Variants in BAZ2B observed in about 807,000 individuals in gnomAD.
BAZ2B encodes bromodomain adjacent to zinc finger domain protein 2B.
BAZ2B carries 91 observed loss-of-function variants against 246.0 expected under a neutral mutation model. That is an observed-to-expected ratio of 0.37 (90% confidence interval 0.31 to 0.44). The LOEUF is 0.44. Ranked by LOEUF, BAZ2B falls within the 20% of genes least tolerant of loss-of-function variation. BAZ2B has a pLI of 1.00. For missense variants in BAZ2B, 2,332 were observed against 2,533.7 expected (o/e 0.92, Z 1.71); for synonymous variants, 855 against 860.0 (o/e 0.99, Z 0.10).
chr2:159,485,427 T>C (rs2079704877), intron 2 of BAZ2B, among the ~76,000 whole-genome samples: 1 of 152,166 alleles, frequency 6.6e-6, no homozygotes, highest in South Asian at 2.1e-4. Context: ...TTTCAAAGAA[T>C]TAAGTATGGT....
intron 1 of BAZ2B, among the ~76,000 whole-genome samples, chr2:159,577,099 A>G (rs1685528602): frequency 6.6e-6 from 1 of 151,450 alleles, no homozygotes; most frequent in Admixed American, 6.6e-5. Context: ...GCAGTGGTGT[A>G]TGCCTCTAGT....
chr2:159,699,261 G>C, the BAZ2B span, among the ~76,000 whole-genome samples: 11 of 152,092 alleles, frequency 7.2e-5, no homozygotes, highest in Non-Finnish European at 4.4e-5. Context: ...AAAGCTCCAG[G>C]GTCAGGCACA....
intron 2 of BAZ2B, among the ~76,000 whole-genome samples, chr2:159,537,372 CAT>C (rs2086135243): frequency 2.0e-5 from 3 of 152,230 alleles, no homozygotes; most frequent in Non-Finnish European, 4.4e-5. Flanking sequence ...TTGAACTGTA[CAT>C]CCCCAAAGGT....
intron 1 of BAZ2B, among the ~76,000 whole-genome samples, chr2:159,574,815 C>A (rs1385067311): frequency 2.0e-5 from 3 of 151,742 alleles, no homozygotes; most frequent in Non-Finnish European, 4.4e-5. Context: ...ATTAAAAATA[C>A]AAAAATTAGC....
chr2:159,475,781 T>C (rs907186279), intron 3 of BAZ2B, among the ~76,000 whole-genome samples: 7 of 152,212 alleles, frequency 4.6e-5, no homozygotes, highest in African/African-American at 1.7e-4. Context: ...TTCCTTTCTG[T>C]TTGTTAGTTT....
At chr2:159,334,550 T>A (rs371458918) in intron 33 of BAZ2B, among the ~76,000 whole-genome samples, 95 of 152,338 alleles carry the variant, frequency 6.2e-4, no homozygotes, top group African/African-American at 1.8e-3. Flanking sequence ...CTAAAGGTTA[T>A]AAGGTGCTTC....
chr2:159,350,487 T>C (rs1191499345), intron 27 of BAZ2B, 130 bp from the exon 28 acceptor site: 14 of 780,506 alleles, frequency 1.8e-5, no homozygotes, highest in Non-Finnish European at 2.6e-5. Context: ...TAATACTCCC[T>C]ATATTTTCCT....
chr2:159,327,485 T>C (rs553396000), intron 34 of BAZ2B, among the ~76,000 whole-genome samples: 59 of 152,318 alleles, frequency 3.9e-4, no homozygotes, highest in African/African-American at 1.4e-3. Flanking sequence ...ATAATTAATA[T>C]GTTTTATTCA....
At chr2:159,524,369 C>T (rs1020178519) in intron 2 of BAZ2B, among the ~76,000 whole-genome samples, 4 of 152,100 alleles carry the variant, frequency 2.6e-5, no homozygotes, top group Non-Finnish European at 4.4e-5. Context: ...GTGGGAGGAT[C>T]GCTTGAGCCG....
intron 8 of BAZ2B, 142 bp downstream of exon 8, chr2:159,438,161 G>A (rs2072756041): frequency 2.6e-6 from 2 of 772,628 alleles, no homozygotes; most frequent in East Asian, 2.7e-5. Context: ...TTAGTTTTCT[G>A]CTGTACATAT....
chr2:159,383,164 A>G (rs947600070), intron 24 of BAZ2B, among the ~76,000 whole-genome samples: 1 of 152,166 alleles, frequency 6.6e-6, no homozygotes, highest in African/African-American at 2.4e-5. Flanking sequence ...TTAACATAGG[A>G]GTAATTTCTG....
At chr2:159,576,267 T>C (rs1315029698) in intron 1 of BAZ2B, among the ~76,000 whole-genome samples, 1 of 152,024 alleles carries the variant, frequency 6.6e-6, no homozygotes, top group Non-Finnish European at 1.5e-5. Flanking sequence ...CTTGTGAGGA[T>C]TACACAAATA....
chr2:159,455,762 G>GTTTTTTTTTTTT (rs759816186), intron 3 of BAZ2B, among the ~76,000 whole-genome samples: 1 of 97,124 alleles, frequency 1.0e-5, no homozygotes, highest in African/African-American at 3.5e-5. Context: ...GAAATATTGT[G>GTTTTTTTTTTTT]GTTTTTTTTT....
chr2:159,520,665 G>A (rs542105897), intron 2 of BAZ2B, among the ~76,000 whole-genome samples: 2 of 152,176 alleles, frequency 1.3e-5, no homozygotes, highest in African/African-American at 4.8e-5. Context: ...TGAACCAGAA[G>A]GCAAATTTTT....
At chr2:159,608,863 C>A (rs938025674) in intron 1 of BAZ2B, among the ~76,000 whole-genome samples, 2 of 151,814 alleles carry the variant, frequency 1.3e-5, no homozygotes, top group Admixed American at 1.3e-4. Flanking sequence ...ATTTCTGAAG[C>A]CAAGAAAGAG....
intron 31 of BAZ2B, among the ~76,000 whole-genome samples, chr2:159,343,798 G>T (rs11673858): frequency 6.6e-6 from 1 of 151,828 alleles, no homozygotes; most frequent in African/African-American, 2.4e-5. Context: ...AGGCTGAGGC[G>T]GGCAGATCAC....
At chr2:159,399,917 A>G (rs995656401) in intron 17 of BAZ2B, among the ~76,000 whole-genome samples, 1 of 152,218 alleles carries the variant, frequency 6.6e-6, no homozygotes, top group Non-Finnish European at 1.5e-5. Flanking sequence ...TTGATGACTC[A>G]GGGCAACTAT....
chr2:159,429,836 T>C lies in BAZ2B; in HGVS notation c.2195-576A>G, dbSNP rs550989753. 3.3e-3 allele frequency among the ~76,000 whole-genome samples: 499 copies of C among 152,228 alleles called. 3 individuals carry two copies. The highest frequency in any genetic ancestry group is 0.011 in the African/African-American group (476 of 41,544). On this transcript the variant is annotated intron_variant, in intron 10 of 36. Coordinates refer to ENST00000392783, the MANE Select transcript of BAZ2B (RefSeq NM_013450.4). ...CATCTAAAATTAGTAGGCTATCATATTGGTATGTGGTAAATGAAAGTAAAG... is the reference window on the plus strand; with the variant it reads ...CATCTAAAATTAGTAGGCTATCATACTGGTATGTGGTAAATGAAAGTAAAG...
intron 16 of BAZ2B, among the ~76,000 whole-genome samples, chr2:159,402,649 T>C (rs2065267786): frequency 6.6e-6 from 1 of 152,210 alleles, no homozygotes; most frequent in Non-Finnish European, 1.5e-5. Flanking sequence ...TATAAGGTGC[T>C]ATGTTTTCAA....
Sources: gnomAD v4.1 joint callset for allele counts (sites outside exome capture counted in the v4.1 genomes callset) on GRCh38, gnomAD v4.1.1 for gene constraint, MANE v1.5 for transcripts, NCBI Gene and HGNC (gene_info 2026-07-23, HGNC 2026-07-21) for gene names.